Variants in PUM1 observed in about 807,000 individuals in gnomAD.
PUM1 encodes the protein pumilio RNA binding family member 1.
In PUM1, 13 loss-of-function variants were observed where a neutral mutation model predicts 131.8. The observed-to-expected ratio is 0.10, with a 90% CI of 0.06 to 0.16. The LOEUF is 0.16. Among genes scored for constraint, PUM1 ranks in the 10% least tolerant of loss-of-function variants. The pLI is 1.00. For missense variants in PUM1, 961 were observed against 1,512.4 expected (o/e 0.64, Z 6.05); for synonymous variants, 509 against 556.5 (o/e 0.91, Z 1.20).
At chr1:31,056,619 T>TC (rs1489797592) in intron 2 of PUM1, among the ~76,000 whole-genome samples, 8 of 63,966 alleles carry the variant, frequency 1.3e-4, no homozygotes, top group South Asian at 1.3e-3. Flanking sequence ...CTTTTTTTTT[T>TC]TTTTTTTTTT....
intron 5 of PUM1, among the ~76,000 whole-genome samples, chr1:30,996,599 AT>A (rs1197078074): frequency 2.0e-5 from 3 of 152,264 alleles, no homozygotes; most frequent in African/African-American, 7.2e-5. Context: ...GAGAAAGGAT[AT>A]ACAACTTAGC....
chr1:30,981,370 C>T lies in PUM1; in HGVS notation c.1194G>A (p.Gln398=). The part of the protein sequence containing the change: ...FQRPNALAVQ[Q]LTAAQQQQYA... The stretch of plus-strand genomic sequence containing the variant: ...ACTGCTGCTGCTGAGCAGCTGTCAA[C>T]TGCTGGACAGCAAGCGCATTAGGTC... Residue 398 remains glutamine (Q), a synonymous_variant, in exon 8 of 22, where the codon CAG becomes CAA. Coordinates refer to ENST00000426105, the MANE Select transcript of PUM1 (RefSeq NM_001020658.2). The T allele has an allele frequency of 6.2e-7, 1 of 1,605,388 alleles. No individual in the cohort carries two copies. The highest frequency in any genetic ancestry group is 8.5e-7 in the Non-Finnish European group (1 of 1,175,170).
At chr1:31,064,205 AC>A (rs1281518134) in intron 1 of PUM1, among the ~76,000 whole-genome samples, 1 of 152,194 alleles carries the variant, frequency 6.6e-6, no homozygotes. Flanking sequence ...TTTTTACCAC[AC>A]TTAACAAACA....
chr1:30,952,674 C>CGGGG (rs1457814000), intron 15 of PUM1, among the ~76,000 whole-genome samples: 2 of 43,464 alleles, frequency 4.6e-5, no homozygotes, highest in East Asian at 4.7e-4. Flanking sequence ...AAGATGAAAG[C>CGGGG]GGGGGGGGCG....
At chr1:31,037,722 G>A (rs565528694) in intron 2 of PUM1, among the ~76,000 whole-genome samples, 8 of 151,376 alleles carry the variant, frequency 5.3e-5, no homozygotes, top group Non-Finnish European at 7.4e-5. Flanking sequence ...AAGAAAGAAG[G>A]AATATAAGAT....
chr1:31,002,892 A>G (rs1642266716), intron 5 of PUM1, among the ~76,000 whole-genome samples: 1 of 152,234 alleles, frequency 6.6e-6, no homozygotes, highest in Admixed American at 6.5e-5. Context: ...AAATGAATTC[A>G]AGCTAGACAA....
intron 10 of PUM1, among the ~76,000 whole-genome samples, chr1:30,970,396 G>A (rs1640828345): frequency 6.6e-6 from 1 of 152,194 alleles, no homozygotes; most frequent in Admixed American, 6.5e-5. Flanking sequence ...TCAGTAATAA[G>A]TAAGAATTAA....
chr1:31,051,548 C>A (rs1429856743), intron 2 of PUM1, among the ~76,000 whole-genome samples: 1 of 152,100 alleles, frequency 6.6e-6, no homozygotes, highest in African/African-American at 2.4e-5. Context: ...GGTGATCCGC[C>A]TGCCTTGGCC....
chr1:31,042,021 T>C (rs1324914242), intron 2 of PUM1, among the ~76,000 whole-genome samples: 1 of 152,114 alleles, frequency 6.6e-6, no homozygotes, highest in Non-Finnish European at 1.5e-5. Context: ...AAATCATCTC[T>C]AGGCCAGGCC....
intron 1 of PUM1, among the ~76,000 whole-genome samples, chr1:31,063,477 C>T (rs928416651): frequency 6.6e-6 from 1 of 151,904 alleles, no homozygotes; most frequent in African/African-American, 2.4e-5. Flanking sequence ...ATCTAGGAGG[C>T]TGAGAGAAGG....
At chr1:31,039,190 G>C (rs1197609703) in intron 2 of PUM1, among the ~76,000 whole-genome samples, 5 of 142,712 alleles carry the variant, frequency 3.5e-5, no homozygotes, top group African/African-American at 1.3e-4. Flanking sequence ...TAGCAATGAG[G>C]TCTCCCTGTT....
intron 3 of PUM1, among the ~76,000 whole-genome samples, chr1:31,017,195 C>T (rs1011380876): frequency 6.6e-6 from 1 of 152,210 alleles, no homozygotes; most frequent in African/African-American, 2.4e-5. Context: ...CAGTAAAAGA[C>T]ATTCTTTGCC....
intron 2 of PUM1, among the ~76,000 whole-genome samples, chr1:31,048,197 C>T (rs1435133883): frequency 6.6e-6 from 1 of 150,928 alleles, no homozygotes; most frequent in East Asian, 2.0e-4. Context: ...TGATATCGCG[C>T]CACTGCACTC....
intron 21 of PUM1, among the ~76,000 whole-genome samples, chr1:30,933,747 G>A (rs983095314): frequency 3.3e-5 from 5 of 152,184 alleles, no homozygotes; most frequent in East Asian, 3.9e-4. Flanking sequence ...CCCCATGCAC[G>A]GCATCCAGGC....
intron 6 of PUM1, among the ~76,000 whole-genome samples, chr1:30,993,901 C>A (rs2124488472): frequency 6.6e-6 from 1 of 152,106 alleles, no homozygotes; most frequent in South Asian, 2.1e-4. Flanking sequence ...AAAACCCCAT[C>A]TCTACAAAAG....
intron 5 of PUM1, among the ~76,000 whole-genome samples, chr1:30,997,161 C>T (rs1642008709): frequency 6.6e-6 from 1 of 152,168 alleles, no homozygotes; most frequent in South Asian, 2.1e-4. Context: ...ATCACTGGCT[C>T]AGAAGAAACA....
intron 2 of PUM1, among the ~76,000 whole-genome samples, chr1:31,035,033 A>G (rs1163757254): frequency 6.6e-6 from 1 of 152,236 alleles, no homozygotes; most frequent in Non-Finnish European, 1.5e-5. Flanking sequence ...TCTGTTCTAC[A>G]GCATCTTCTG....
intron 5 of PUM1, among the ~76,000 whole-genome samples, chr1:31,005,114 A>T (rs1642353751): frequency 6.6e-6 from 1 of 152,232 alleles, no homozygotes. Flanking sequence ...AATACATCTT[A>T]ACACTTCTCG....
In PUM1 at chr1:30,995,188, G is replaced by A. The variant is rs1335587977; in HGVS notation, c.753C>T (p.Asp251=). Reference sequence around the variant, plus strand: ...TACCCTTGTTCTTCTTTTCACCTTTGTCGTTTTCATCACTGTCTGCATCCC... The same window carrying A: ...TACCCTTGTTCTTCTTTTCACCTTTATCGTTTTCATCACTGTCTGCATCCC... The part of the protein sequence containing the change: ...GPRDADSDEN[D]KGEKKNKGTF... The change falls in exon 6 of 22, where the codon GAC becomes GAT. Residue 251 remains aspartate, a synonymous_variant. Coordinates refer to ENST00000426105, the MANE Select transcript of PUM1 (RefSeq NM_001020658.2). 2 of 1,614,032 alleles carry A rather than the reference G, an allele frequency of 1.2e-6. No homozygotes were observed. The highest frequency in any genetic ancestry group is 2.2e-5 in the East Asian group (1 of 44,882).
Sources: gnomAD v4.1 joint callset for allele counts (sites outside exome capture counted in the v4.1 genomes callset) on GRCh38, gnomAD v4.1.1 for gene constraint, MANE v1.5 for transcripts, NCBI Gene and HGNC (gene_info 2026-07-23, HGNC 2026-07-21) for gene names.